BRMS1L: variants seen among roughly 807,000 people sequenced by gnomAD.
BRMS1L encodes breast cancer metastasis-suppressor 1-like protein.
In BRMS1L, 23 loss-of-function variants were observed where a neutral mutation model predicts 50.3. The ratio of observed to expected loss-of-function variants is 0.46; its 90% CI spans 0.33 to 0.65. The LOEUF is 0.65. BRMS1L is among the 30% of genes least tolerant of loss of function. BRMS1L has a pLI of 0.02. For missense variants in BRMS1L, 286 were observed against 386.1 expected (o/e 0.74, Z 2.17); for synonymous variants, 114 against 126.9 (o/e 0.90, Z 0.69).
intron 4 of BRMS1L, among the ~76,000 whole-genome samples, chr14:35,858,963 A>C: frequency 6.9e-6 from 1 of 145,304 alleles, no homozygotes; most frequent in South Asian, 2.2e-4. Context: ...TTTTTTTGAG[A>C]TGGAGCCTTG....
chr14:35,835,162 T>G (rs4981309), intron 4 of BRMS1L, among the ~76,000 whole-genome samples: 25,347 of 152,082 alleles, frequency 0.17, 2,193 homozygotes, highest in East Asian at 0.33. Context: ...AGCTGTTACT[T>G]TAAAAAGACT....
chr14:35,826,731 G>T, intron 1 of BRMS1L, 73 bp downstream of exon 1: 1 of 1,572,450 alleles, frequency 6.4e-7, no homozygotes, highest in South Asian at 1.2e-5. Context: ...CACGCCAGGC[G>T]GCTGCGTCCT....
chr14:35,864,603 A>G (rs1230949993), intron 6 of BRMS1L, among the ~76,000 whole-genome samples: 1 of 152,124 alleles, frequency 6.6e-6, no homozygotes, highest in Non-Finnish European at 1.5e-5. Context: ...TTGGAGTGTA[A>G]ATTAATACGT....
Position 35,868,608 on chromosome 14 carries a change from C to A in BRMS1L, c.854+576C>A, listed in dbSNP as rs185678762. ...ACTAGCTTGGACAACTTGGCAAGAC[C>A]CTGTCTCTACAAAAAATAAAAAAAT... On this transcript the variant is annotated intron_variant, in intron 9 of 9. Coordinates refer to ENST00000216807, the MANE Select transcript of BRMS1L (RefSeq NM_032352.4). Among the ~76,000 whole-genome samples the A allele has an allele frequency of 5.3e-5, 8 of 152,098 alleles. No individual in the cohort carries two copies. The East Asian group carries it at 1.4e-3, about 26-fold the overall frequency.
chr14:35,835,121 A>G (rs965703347), intron 4 of BRMS1L, among the ~76,000 whole-genome samples, 198 bp downstream of exon 4: 3 of 152,110 alleles, frequency 2.0e-5, no homozygotes, highest in Non-Finnish European at 2.9e-5. Flanking sequence ...AGGACCATAG[A>G]AAAAAACTGA....
intron 8 of BRMS1L, 184 bp downstream of exon 8, chr14:35,865,945 G>A: frequency 1.7e-6 from 1 of 578,532 alleles, no homozygotes; most frequent in Non-Finnish European, 3.0e-6. Context: ...ATTTCTGAAT[G>A]TGGTATAATT....
In BRMS1L at chr14:35,826,429, G is replaced by A; in HGVS notation, c.-88G>A. On this transcript the variant is annotated 5_prime_UTR_variant, in exon 1 of 10. In the 5' UTR this introduces an upstream ATG that the reference lacks. Transcript: ENST00000216807. ...GGGGGCGAGCAAGCTCGGTGGCTGG[G>A]TGGGTTGGGGCGTTCCGCGCGCCCT... is the stretch of plus-strand genomic sequence containing the variant. 1.3e-6 allele frequency: 2 copies of A among 1,535,008 alleles called. No individual in the cohort carries two copies. Among genetic ancestry groups the A allele is most frequent in the Non-Finnish European group, 1.8e-6 (2 of 1,140,304 alleles).
chr14:35,850,067 C>CCGCCTCG (rs2078190400), intron 4 of BRMS1L, among the ~76,000 whole-genome samples: 1 of 152,196 alleles, frequency 6.6e-6, no homozygotes, highest in South Asian at 2.1e-4. Flanking sequence ...AGTGATCCAC[C>CCGCCTCG]CGCCTCGGCC....
intron 4 of BRMS1L, among the ~76,000 whole-genome samples, chr14:35,837,797 C>T (rs561135087): frequency 1.4e-4 from 21 of 152,190 alleles, no homozygotes; most frequent in South Asian, 2.1e-4. Context: ...TCAGGTGATC[C>T]GCCTGCCTTG....
In BRMS1L at chr14:35,852,990, G is replaced by GTATCTATCTATCTATCTATC. The variant is rs72342569; in HGVS notation, c.442-9592_442-9573dup. ...TTCTATCAGTCTTTGCTTTATATCT[G>GTATCTATCTATCTATCTATC]TATCTATCTATCTATCTATCTATCT... is the stretch of plus-strand genomic sequence containing the variant. On this transcript the variant is annotated intron_variant, in intron 4 of 9. Transcript: ENST00000216807. Among the ~76,000 whole-genome samples, 559 of 148,838 alleles carry GTATCTATCTATCTATCTATC rather than the reference G, an allele frequency of 3.8e-3. 5 individuals carry two copies. Among genetic ancestry groups the GTATCTATCTATCTATCTATC allele is most frequent in the African/African-American group, 0.011 (449 of 39,826 alleles).
intron 4 of BRMS1L, among the ~76,000 whole-genome samples, chr14:35,857,258 T>A (rs2078293181): frequency 6.9e-6 from 1 of 143,930 alleles, no homozygotes; most frequent in African/African-American, 2.6e-5. Context: ...AAAATATATA[T>A]ATATATGTAT....
intron 4 of BRMS1L, among the ~76,000 whole-genome samples, chr14:35,857,976 A>G (rs967353218): frequency 6.6e-6 from 1 of 151,330 alleles, no homozygotes; most frequent in Non-Finnish European, 1.5e-5. Flanking sequence ...GTATTCCACA[A>G]AATAAAGAGC....
intron 7 of BRMS1L, 129 bp downstream of exon 7, chr14:35,865,128 C>A: frequency 1.7e-6 from 1 of 588,798 alleles, no homozygotes; most frequent in Non-Finnish European, 2.9e-6. Flanking sequence ...TTTTCTAAGG[C>A]AATTTAATAC....
At chr14:35,862,437 TG>T (rs1202567621) in intron 4 of BRMS1L, among the ~76,000 whole-genome samples, 152 bp from the exon 5 acceptor site, 1 of 152,216 alleles carries the variant, frequency 6.6e-6, no homozygotes, top group African/African-American at 2.4e-5. Flanking sequence ...ATTTCTTTCA[TG>T]TATTTGACAT....
At chr14:35,854,231 T>A (rs866664902) in intron 4 of BRMS1L, among the ~76,000 whole-genome samples, 17 of 152,314 alleles carry the variant, frequency 1.1e-4, no homozygotes, top group Middle Eastern at 3.4e-3. Flanking sequence ...AGGCATCCCT[T>A]CACTAAGAGT....
Position 35,846,596 on chromosome 14 carries a change from A to G in BRMS1L, c.441+11673A>G, listed in dbSNP as rs137992519. On this transcript the variant is annotated intron_variant, in intron 4 of 9. Transcript: ENST00000216807. ...TTTTGAGTTGGTCTGCTATTTCTTC[A>G]TGATTAGAATCAGGTTTTGCAACTG... Among the ~76,000 whole-genome samples, 34 of 152,262 alleles carry G rather than the reference A, an allele frequency of 2.2e-4. No individual in the cohort carries two copies. The East Asian group carries it at 4.6e-3, about 21-fold the overall frequency.
intron 4 of BRMS1L, among the ~76,000 whole-genome samples, chr14:35,856,491 A>T (rs1320290732): frequency 6.6e-6 from 1 of 152,124 alleles, no homozygotes; most frequent in Non-Finnish European, 1.5e-5. Flanking sequence ...TTATTCACTT[A>T]ATTTTTTTCT....
intron 4 of BRMS1L, among the ~76,000 whole-genome samples, chr14:35,847,624 A>T (rs2142049341): frequency 6.6e-6 from 1 of 152,354 alleles, no homozygotes; most frequent in Non-Finnish European, 1.5e-5. Flanking sequence ...ATGAGGTGCA[A>T]TACAGTTAGC....
chr14:35,837,081 C>T (rs1346315249), intron 4 of BRMS1L, among the ~76,000 whole-genome samples: 1 of 150,428 alleles, frequency 6.6e-6, no homozygotes, highest in Non-Finnish European at 1.5e-5. Context: ...ATGATGAAAC[C>T]CTGTTTCTAC....
Sources: allele counts gnomAD v4.1 joint callset (sites outside exome capture counted in the v4.1 genomes callset), GRCh38; gene constraint gnomAD v4.1.1; transcripts MANE v1.5; gene names NCBI Gene and HGNC (gene_info 2026-07-23, HGNC 2026-07-21).